The following DMD variants were observed in gnomAD, a reference collection of about 807,000 sequenced individuals.
DMD encodes mutant dystrophin.
Under a neutral mutation model 330.1 loss-of-function variants are expected in DMD, and 63 were observed. The ratio of observed to expected loss-of-function variants is 0.19; its 90% CI spans 0.16 to 0.24. The LOEUF is 0.24. Ranked by LOEUF, DMD falls within the 10% of genes least tolerant of loss-of-function variation. DMD has a pLI of 1.00. For missense variants in DMD, 3,344 were observed against 2,684.1 expected, an observed-to-expected ratio of 1.25 and a Z score of -5.43; for synonymous variants, 1,223 against 959.8, an observed-to-expected ratio of 1.27 and a Z score of -5.07.
At chrX:31,991,950 A>G (rs1435067098) in intron 44 of DMD, among the ~76,000 whole-genome samples, 2 of 111,955 alleles carry the variant, frequency 1.8e-5, no homozygotes, top group Non-Finnish European at 3.8e-5. Context: ...GCTCTCATGG[A>G]ATTTATGAAG....
intron 21 of DMD, among the ~76,000 whole-genome samples, chrX:32,476,521 CTAACA>C (rs1233506855): frequency 9.0e-6 from 1 of 111,521 alleles, no homozygotes; most frequent in African/African-American, 3.3e-5. Context: ...TACACACCTA[CTAACA>C]TAAATATCAC....
chrX:32,418,847 C>G (rs1220132669), intron 29 of DMD, among the ~76,000 whole-genome samples: 1 of 107,626 alleles, frequency 9.3e-6, no homozygotes, highest in Non-Finnish European at 1.9e-5. Flanking sequence ...GTGGCAGGCG[C>G]CTGTAGTCCC....
chrX:31,679,393 C>T lies in DMD; in HGVS notation c.7854G>A (p.Lys2618=). The T allele has an allele frequency of 8.3e-7, 1 of 1,208,129 alleles. No homozygotes were observed. Among genetic ancestry groups the T allele is most frequent in the Non-Finnish European group, 1.1e-6 (1 of 893,617 alleles). ...EGPYTVDAIQ[K]KITETKQLAK... is the part of the protein sequence containing the mutation. The stretch of plus-strand genomic sequence containing the variant: ...TACTAACCTTGGTTTCTGTGATTTT[C>T]TTTTGGATTGCATCTACTGTATAGG... Residue 2618 remains lysine (K), a synonymous_variant, in exon 53 of 79, where the codon AAG becomes AAA. Coordinates refer to ENST00000357033, the MANE Select transcript of DMD (RefSeq NM_004006.3).
At chrX:32,291,116 G>A (rs2097466051) in intron 42 of DMD, among the ~76,000 whole-genome samples, 1 of 111,731 alleles carries the variant, frequency 9.0e-6, no homozygotes, top group Admixed American at 9.6e-5. Flanking sequence ...TGAAACAGAG[G>A]CTGAGGATGT....
In DMD at chrX:31,352,060, A is replaced by G. The variant is rs143054922; in HGVS notation, c.9085-3426T>C. Among the ~76,000 whole-genome samples the G allele has an allele frequency of 7.0e-3, 777 of 111,463 alleles. 10 individuals carry two copies. Among genetic ancestry groups the G allele is most frequent in the African/African-American group, 0.024 (750 of 30,763 alleles). On this transcript the variant is annotated intron_variant, in intron 60 of 78. Coordinates refer to ENST00000357033, the MANE Select transcript of DMD (RefSeq NM_004006.3). Reference sequence around the variant, plus strand: ...GATTAAAGTTGAAAAAAAGTATTTTATAAATATTTAATAAGTAATTGGCTT... The same window carrying G: ...GATTAAAGTTGAAAAAAAGTATTTTGTAAATATTTAATAAGTAATTGGCTT...
chrX:32,561,308 C>A (rs910823666), intron 16 of DMD, among the ~76,000 whole-genome samples: 2 of 111,070 alleles, frequency 1.8e-5, no homozygotes, highest in Non-Finnish European at 3.8e-5. Context: ...TACAGAGGAA[C>A]ATGAATGACC....
intron 44 of DMD, among the ~76,000 whole-genome samples, chrX:32,176,712 T>C (rs2096907821): frequency 9.0e-6 from 1 of 110,951 alleles, no homozygotes; most frequent in African/African-American, 3.3e-5. Context: ...TGACATGAAG[T>C]GAGTCACTTG....
At chrX:32,652,064 C>T (rs2060195690) in intron 9 of DMD, among the ~76,000 whole-genome samples, 1 of 111,705 alleles carries the variant, frequency 9.0e-6, no homozygotes, top group African/African-American at 3.3e-5. Context: ...CATACGTACA[C>T]ATATGGGGTA....
intron 44 of DMD, among the ~76,000 whole-genome samples, chrX:32,075,566 G>A (rs1183632639): frequency 9.0e-6 from 1 of 111,568 alleles, no homozygotes; most frequent in African/African-American, 3.3e-5. Context: ...TCTTTCTTGT[G>A]AAACCGTTGT....
intron 52 of DMD, among the ~76,000 whole-genome samples, chrX:31,699,678 C>T (rs1447396525): frequency 9.0e-6 from 1 of 111,483 alleles, no homozygotes; most frequent in African/African-American, 3.3e-5. Context: ...AAATATTGAG[C>T]TCTGGTTAAT....
In DMD at chrX:31,134,199, A is replaced by G. The variant is rs764579722; in HGVS notation, c.10922-5T>C. 3 of 1,197,145 alleles carry G rather than the reference A, an allele frequency of 2.5e-6. No individual in the cohort carries two copies. The South Asian group carries it at 5.3e-5, about 21-fold the overall frequency. On this transcript the variant is annotated splice_region_variant and splice_polypyrimidine_tract_variant and intron_variant, in intron 76 of 78. Transcript: ENST00000357033. ...GACTGAGAAGATCTTCCTCACCTTA[A>G]TAAAAGCAAAAACAAATAATGGAAA...
At chrX:31,366,097 G>C (rs2059214945) in intron 60 of DMD, among the ~76,000 whole-genome samples, 2 of 112,037 alleles carry the variant, frequency 1.8e-5, no homozygotes, top group South Asian at 7.4e-4. Flanking sequence ...TCTAAGCTGA[G>C]TTTTGACCAT....
chrX:32,471,960 C>T (rs758748149), intron 22 of DMD, among the ~76,000 whole-genome samples: 2 of 112,181 alleles, frequency 1.8e-5, no homozygotes, highest in East Asian at 5.6e-4. Context: ...TTTTCAAAAA[C>T]AGCATGTATA....
chrX:31,567,223 T>C (rs1228032569), intron 55 of DMD, among the ~76,000 whole-genome samples: 7 of 111,874 alleles, frequency 6.3e-5, no homozygotes, highest in East Asian at 2.8e-4. Context: ...CCTTGCTTTA[T>C]TGTAGTGTCT....
intron 13 of DMD, among the ~76,000 whole-genome samples, chrX:32,592,436 T>C (rs1436260273): frequency 9.0e-6 from 1 of 111,078 alleles, no homozygotes; most frequent in Non-Finnish European, 1.9e-5. Context: ...ATGACCTGCC[T>C]GCATAAAGGA....
At chrX:32,521,803 C>A (rs1413904583) in intron 17 of DMD, among the ~76,000 whole-genome samples, 1 of 111,930 alleles carries the variant, frequency 8.9e-6, no homozygotes, top group Non-Finnish European at 1.9e-5. Flanking sequence ...GAATTTTGTG[C>A]CCCACAAAAG....
chrX:32,208,299 C>T (rs73619037), intron 44 of DMD, among the ~76,000 whole-genome samples: 10,940 of 111,569 alleles, frequency 0.098, 492 homozygotes, highest in Admixed American at 0.14. Context: ...TTGTTTTTCC[C>T]TTGTCAAATA....
At chrX:32,728,570 C>A (rs1278236759) in intron 7 of DMD, among the ~76,000 whole-genome samples, 1 of 111,745 alleles carries the variant, frequency 8.9e-6, no homozygotes, top group African/African-American at 3.3e-5. Flanking sequence ...TGTTAATATT[C>A]TAAAGTGAGT....
At position 32,662,064 on chromosome X, in the gene DMD, CTA is replaced by C. The variant is rs201159915; in HGVS notation, c.961-16914_961-16913del. ...TTGTCACATAGTGAGATAATCAATACTATGTTTAAAAACAAAGTTTCTTTATA... is the reference window on the plus strand; with the variant it reads ...TTGTCACATAGTGAGATAATCAATACTGTTTAAAAACAAAGTTTCTTTATA... On this transcript the variant is annotated intron_variant, in intron 9 of 78. Transcript: ENST00000357033. 6.3e-3 allele frequency among the ~76,000 whole-genome samples: 702 copies of C among 111,364 alleles called. 3 individuals carry two copies. Among genetic ancestry groups the C allele is most frequent in the African/African-American group, 0.02 (617 of 30,764 alleles).
Sources: gnomAD v4.1 joint callset for allele counts (sites outside exome capture counted in the v4.1 genomes callset) on GRCh38, gnomAD v4.1.1 for gene constraint, MANE v1.5 for transcripts, NCBI Gene and HGNC (gene_info 2026-07-23, HGNC 2026-07-21) for gene names.